The following SDK1 variants were observed in gnomAD, a reference collection of about 807,000 sequenced individuals.
The protein encoded by SDK1 is protein sidekick-1.
SDK1 carries 157 observed loss-of-function variants against 245.5 expected under a neutral mutation model. That is an observed-to-expected ratio of 0.64 (90% CI 0.56 to 0.73). The LOEUF (loss-of-function observed/expected upper bound fraction) is 0.73, where lower values mean the gene tolerates loss of function less well. Among genes scored for constraint, SDK1 ranks in the 30% least tolerant of loss-of-function variants. The probability of loss-of-function intolerance (pLI) is 0.00; values close to 1 mark genes in which losing one functional copy is unlikely to be tolerated. For missense variants in SDK1, 3,583 were observed against 3,002.3 expected (o/e 1.19, Z -4.52); for synonymous variants, 1,647 against 1,278.5 (o/e 1.29, Z -6.15).
chr7:3,809,859 A>G (rs1779342337), intron 4 of SDK1, among the ~76,000 whole-genome samples: 1 of 152,184 alleles, frequency 6.6e-6, no homozygotes, highest in African/African-American at 2.4e-5. Context: ...CACAGAAAGC[A>G]TTTGACTTGT....
At position 3,776,971 on chromosome 7, in the gene SDK1, T is replaced by C. The variant is rs116298541; in HGVS notation, c.714-44479T>C. ...CTGTGATCCAGGAAGAAAGATCTGTTTCCACCCCCACACACACTTGCTCAC... is the reference window on the plus strand; with the variant it reads ...CTGTGATCCAGGAAGAAAGATCTGTCTCCACCCCCACACACACTTGCTCAC... On this transcript the variant is annotated intron_variant, in intron 4 of 44. Transcript: ENST00000404826. Among the ~76,000 whole-genome samples, 879 of 152,230 alleles carry C rather than the reference T, an allele frequency of 5.8e-3. 6 individuals are homozygous for C. Among genetic ancestry groups the C allele is most frequent in the African/African-American group, 0.02 (822 of 41,544 alleles).
intron 1 of SDK1, among the ~76,000 whole-genome samples, chr7:3,346,351 C>A (rs2128556193): frequency 6.6e-6 from 1 of 152,164 alleles, no homozygotes; most frequent in African/African-American, 2.4e-5. Flanking sequence ...AGCCTCCGTG[C>A]AAGGCTGTTC....
intron 40 of SDK1, among the ~76,000 whole-genome samples, chr7:4,230,607 T>G (rs660109): frequency 6.6e-6 from 1 of 151,434 alleles, no homozygotes; most frequent in Non-Finnish European, 1.5e-5. Flanking sequence ...GGATGATTAC[T>G]TAGGAAGATG....
At chr7:3,640,236 A>G (rs1782607995) in intron 3 of SDK1, among the ~76,000 whole-genome samples, 1 of 152,246 alleles carries the variant, frequency 6.6e-6, no homozygotes. Flanking sequence ...GTTAAATTAC[A>G]TTTTAATATA....
chr7:3,499,693 A>G (rs1257604759), intron 1 of SDK1, among the ~76,000 whole-genome samples: 1 of 152,210 alleles, frequency 6.6e-6, no homozygotes, highest in African/African-American at 2.4e-5. Flanking sequence ...GCAGGCTACT[A>G]TAAGAAGAGA....
intron 22 of SDK1, among the ~76,000 whole-genome samples, chr7:4,092,375 T>A (rs1781862766): frequency 6.6e-6 from 1 of 152,150 alleles, no homozygotes; most frequent in African/African-American, 2.4e-5. Context: ...TCTGAGAATG[T>A]CCCATGGGCT....
chr7:3,546,578 T>G (rs539690905), intron 1 of SDK1, among the ~76,000 whole-genome samples: 1 of 152,348 alleles, frequency 6.6e-6, no homozygotes, highest in African/African-American at 2.4e-5. Context: ...AGGAGAAATG[T>G]GGCACATGCC....
In SDK1 at chr7:4,010,977, A is replaced by G. The variant is rs754903436; in HGVS notation, c.2143A>G (p.Lys715Glu). ...VELSENNSPWKVHLSNVGPEM... is the reference protein window; with the variant it reads ...VELSENNSPWEVHLSNVGPEM... Reference sequence around the variant, plus strand: ...CTTCATTCTTTCAGACTCTCCATGGAAGGTGCATCTGTCAAACGTTGGCCC... The same window carrying G: ...CTTCATTCTTTCAGACTCTCCATGGGAGGTGCATCTGTCAAACGTTGGCCC... The change falls in exon 15 of 45, where the codon AAG (lysine) becomes GAG (glutamate). Residue 715 changes from lysine to glutamate, a missense_variant. By Grantham distance (56) the Lys-to-Glu change is moderately conservative. Transcript: ENST00000404826. 9 of 1,614,186 alleles carry G rather than the reference A, an allele frequency of 5.6e-6. No homozygotes were observed. In the South Asian group the frequency reaches 9.9e-5, roughly 18 times the overall value.
intron 1 of SDK1, among the ~76,000 whole-genome samples, chr7:3,454,340 A>C (rs1339435055): frequency 2.0e-5 from 3 of 151,554 alleles, no homozygotes; most frequent in Non-Finnish European, 4.4e-5. Flanking sequence ...TCCCATTTAA[A>C]AATGAACTTT....
intron 4 of SDK1, among the ~76,000 whole-genome samples, chr7:3,657,897 T>C (rs910549454): frequency 6.6e-6 from 1 of 152,152 alleles, no homozygotes; most frequent in African/African-American, 2.4e-5. Flanking sequence ...CTGTCAGACA[T>C]AGAGCCGAGG....
chr7:4,216,675 C>T (rs1784815628), intron 38 of SDK1, among the ~76,000 whole-genome samples: 1 of 152,166 alleles, frequency 6.6e-6, no homozygotes, highest in Non-Finnish European at 1.5e-5. Flanking sequence ...AAACAGTGAT[C>T]TCACCTGGTA....
intron 1 of SDK1, among the ~76,000 whole-genome samples, chr7:3,331,254 C>A (rs1425090138): frequency 6.6e-6 from 1 of 152,022 alleles, no homozygotes; most frequent in Non-Finnish European, 1.5e-5. Context: ...CAAAGCGAGA[C>A]TCTGTCTGAA....
chr7:3,987,953 G>A (rs963221340), intron 14 of SDK1, among the ~76,000 whole-genome samples: 2 of 151,950 alleles, frequency 1.3e-5, no homozygotes, highest in Non-Finnish European at 2.9e-5. Context: ...ATCTCTTCCT[G>A]GGAAATCGCA....
intron 5 of SDK1, among the ~76,000 whole-genome samples, chr7:3,943,407 G>T (rs1043900404): frequency 3.6e-3 from 4 of 1,104 alleles, no homozygotes; most frequent in African/African-American, 0.023. Context: ...CTCCTCCTCC[G>T]TCCTCCCCAT....
chr7:3,587,721 T>C (rs1001529269), intron 1 of SDK1, among the ~76,000 whole-genome samples: 1 of 152,192 alleles, frequency 6.6e-6, no homozygotes, highest in Non-Finnish European at 1.5e-5. Flanking sequence ...GATGTTTAAT[T>C]AAGTATCTGG....
chr7:3,971,242 A>T (rs1782463844), intron 11 of SDK1, among the ~76,000 whole-genome samples: 1 of 151,616 alleles, frequency 6.6e-6, no homozygotes, highest in African/African-American at 2.4e-5. Flanking sequence ...GTTAAAGCTG[A>T]TTTAGGAGGG....
intron 5 of SDK1, among the ~76,000 whole-genome samples, chr7:3,859,808 T>TA (rs1300605533): frequency 7.2e-5 from 11 of 152,198 alleles, no homozygotes; most frequent in African/African-American, 2.2e-4. Context: ...CCATTGCAAA[T>TA]AGGTGAAACA....
At chr7:3,459,557 A>G (rs537645246) in intron 1 of SDK1, among the ~76,000 whole-genome samples, 20 of 152,296 alleles carry the variant, frequency 1.3e-4, no homozygotes, top group African/African-American at 4.6e-4. Flanking sequence ...CTGTTTCAAG[A>G]AGGAAGTGGG....
At chr7:3,797,135 T>C (rs189646713) in intron 4 of SDK1, among the ~76,000 whole-genome samples, 1 of 152,140 alleles carries the variant, frequency 6.6e-6, no homozygotes. Context: ...GTCTCACAAG[T>C]ACCTGGGACT....
Sources: gnomAD v4.1 joint callset for allele counts (sites outside exome capture counted in the v4.1 genomes callset) on GRCh38, gnomAD v4.1.1 for gene constraint, MANE v1.5 for transcripts, NCBI Gene and HGNC (gene_info 2026-07-23, HGNC 2026-07-21) for gene names.